Variants in PTPRD observed in about 807,000 individuals in gnomAD.
PTPRD encodes receptor-type tyrosine-protein phosphatase delta.
Under a neutral mutation model 214.5 loss-of-function variants are expected in PTPRD, and 34 were observed. The ratio of observed to expected loss-of-function variants is 0.16; its 90% CI spans 0.12 to 0.21. The LOEUF (loss-of-function observed/expected upper bound fraction) is 0.21, where lower values mean the gene tolerates loss of function less well. PTPRD is among the 10% of genes least tolerant of loss of function. The pLI is 1.00. For missense variants in PTPRD, 2,545 were observed against 2,398.7 expected (o/e 1.06, Z -1.27); for synonymous variants, 1,128 against 845.7 (o/e 1.33, Z -5.79).
intron 30 of PTPRD, among the ~76,000 whole-genome samples, chr9:8,481,741 T>C (rs139393293): frequency 2.6e-4 from 40 of 152,222 alleles, no homozygotes; most frequent in African/African-American, 9.4e-4. Flanking sequence ...AAACCATTGC[T>C]ATTTTGTTAA....
At chr9:9,099,491 G>C (rs1465863209) in intron 10 of PTPRD, among the ~76,000 whole-genome samples, 1 of 152,158 alleles carries the variant, frequency 6.6e-6, no homozygotes, top group Non-Finnish European at 1.5e-5. Flanking sequence ...ATGCCTGCCT[G>C]GGTGTGTTGC....
intron 4 of PTPRD, among the ~76,000 whole-genome samples, chr9:10,013,083 A>G (rs1387096008): frequency 1.3e-5 from 2 of 151,954 alleles, no homozygotes; most frequent in African/African-American, 4.8e-5. Flanking sequence ...TTGAACTTCA[A>G]TTACACAAAT....
chr9:8,367,354 G>A (rs1041821594), intron 39 of PTPRD, among the ~76,000 whole-genome samples: 6 of 152,166 alleles, frequency 3.9e-5, no homozygotes, highest in Admixed American at 6.5e-5. Flanking sequence ...TATATCCAAG[G>A]GGACATTTGG....
intron 5 of PTPRD, among the ~76,000 whole-genome samples, chr9:9,835,895 A>G (rs958381891): frequency 3.3e-5 from 5 of 152,108 alleles, no homozygotes; most frequent in African/African-American, 1.2e-4. Flanking sequence ...CAGTGAGAAG[A>G]AAATGCTGGT....
chr9:9,278,662 C>A (rs937963522), intron 9 of PTPRD, among the ~76,000 whole-genome samples: 4 of 151,272 alleles, frequency 2.6e-5, no homozygotes, highest in Admixed American at 6.6e-5. Context: ...CCTGCCTATA[C>A]AACATCTATG....
intron 2 of PTPRD, among the ~76,000 whole-genome samples, chr9:10,365,083 C>T (rs1273400635): frequency 1.3e-5 from 2 of 151,934 alleles, no homozygotes; most frequent in Non-Finnish European, 2.9e-5. Context: ...TTAATTTTAC[C>T]TCAGGCGAGA....
At chr9:9,554,175 G>T (rs1472593849) in intron 8 of PTPRD, among the ~76,000 whole-genome samples, 1 of 152,022 alleles carries the variant, frequency 6.6e-6, no homozygotes, top group Non-Finnish European at 1.5e-5. Context: ...GTTCATGTGG[G>T]TGTATGAAAT....
chr9:10,145,791 T>C (rs1430186061), intron 3 of PTPRD, among the ~76,000 whole-genome samples: 2 of 152,112 alleles, frequency 1.3e-5, no homozygotes, highest in African/African-American at 4.8e-5. Context: ...CAAAGTATGA[T>C]ATGATATGCT....
intron 11 of PTPRD, among the ~76,000 whole-genome samples, chr9:8,835,356 A>G (rs930996547): frequency 3.3e-5 from 5 of 152,206 alleles, no homozygotes; most frequent in Non-Finnish European, 7.3e-5. Context: ...AGAGTTGAAT[A>G]ACGCACCCAA....
At chr9:9,997,214 A>C (rs770233280) in intron 4 of PTPRD, among the ~76,000 whole-genome samples, 1 of 152,238 alleles carries the variant, frequency 6.6e-6, no homozygotes, top group Non-Finnish European at 1.5e-5. Flanking sequence ...CTGAAATTAA[A>C]AAGATATTCA....
At chr9:9,566,029 C>T (rs2084409098) in intron 8 of PTPRD, among the ~76,000 whole-genome samples, 1 of 151,876 alleles carries the variant, frequency 6.6e-6, no homozygotes, top group Admixed American at 6.6e-5. Context: ...TTGGCTGCCT[C>T]CTCATTTGTG....
chr9:8,870,685 G>GAAACAC (rs2098279752), intron 11 of PTPRD, among the ~76,000 whole-genome samples: 1 of 27,798 alleles, frequency 3.6e-5, no homozygotes, highest in Non-Finnish European at 7.1e-5. Context: ...ACACAGACAT[G>GAAACAC]AAACACACAC....
At chr9:9,196,442 T>C (rs1162128728) in intron 9 of PTPRD, among the ~76,000 whole-genome samples, 1 of 152,148 alleles carries the variant, frequency 6.6e-6, no homozygotes, top group Non-Finnish European at 1.5e-5. Flanking sequence ...ATGGAGACAC[T>C]CATCTCTTAA....
In PTPRD at chr9:10,224,637, T is replaced by C. The variant is rs901131380; in HGVS notation, c.-545+116326A>G. Among the ~76,000 whole-genome samples, 80 of 152,172 alleles carry C rather than the reference T, an allele frequency of 5.3e-4. 1 individual carries two copies. Among genetic ancestry groups the C allele is most frequent in the Admixed American group, 4.3e-3 (66 of 15,258 alleles). On this transcript the variant is annotated intron_variant, in intron 3 of 45. Coordinates refer to ENST00000381196, the MANE Select transcript of PTPRD (RefSeq NM_002839.4). ...AAGTATAATATTGATAGTTTCTTGT[T>C]AGAAAAAAATAATGTGCCATTGACC...
intron 14 of PTPRD, among the ~76,000 whole-genome samples, chr9:8,529,568 T>C (rs193212108): frequency 3.6e-4 from 55 of 152,284 alleles, no homozygotes; most frequent in Non-Finnish European, 5.9e-4. Context: ...CTCCAACTCA[T>C]GCAAAATTCA....
At chr9:10,211,633 A>G (rs2099517423) in intron 3 of PTPRD, among the ~76,000 whole-genome samples, 1 of 152,216 alleles carries the variant, frequency 6.6e-6, no homozygotes, top group African/African-American at 2.4e-5. Flanking sequence ...TAGAAATTAC[A>G]TAATGTCTTT....
intron 10 of PTPRD, among the ~76,000 whole-genome samples, chr9:9,163,067 T>A (rs1302228517): frequency 6.6e-6 from 1 of 152,086 alleles, no homozygotes; most frequent in African/African-American, 2.4e-5. Flanking sequence ...CTACTCTCAC[T>A]TAAAATATTG....
rs1555340153 is a variant in PTPRD, at chr9:9,923,121, G to GT, written c.-368+15385_-368+15386insA. ...GAAAAAAAAAGGACTGTGTGTGTGG[G>GT]GGGTGTGTGTGTGTGTGTGTGTGTG... On this transcript the variant is annotated intron_variant, in intron 5 of 45. Transcript: ENST00000381196. Among the ~76,000 whole-genome samples, 24 of 45,342 alleles carry GT rather than the reference G, an allele frequency of 5.3e-4. No individual in the cohort carries two copies. The African/African-American group carries it at 7.1e-3, about 13-fold the overall frequency. 29.7% of individuals were successfully genotyped at this position (45,342 alleles called of 152,430 possible).
In PTPRD at chr9:8,470,988, C is replaced by A; in HGVS notation, c.3504+7G>T. ...ATAAAAGACATGGCCAACAATGACA[C>A]AGTTACCTCATCTAATTCCATTTCA... is the stretch of plus-strand genomic sequence containing the variant. On this transcript the variant is annotated splice_region_variant and intron_variant, in intron 31 of 45. Coordinates refer to ENST00000381196, the MANE Select transcript of PTPRD (RefSeq NM_002839.4). The A allele has an allele frequency of 6.2e-7, 1 of 1,608,972 alleles. No individual in the cohort carries two copies. Among genetic ancestry groups the A allele is most frequent in the Non-Finnish European group, 8.5e-7 (1 of 1,175,532 alleles).
Sources: allele counts gnomAD v4.1 joint callset (sites outside exome capture counted in the v4.1 genomes callset), GRCh38; gene constraint gnomAD v4.1.1; transcripts MANE v1.5; gene names NCBI Gene and HGNC (gene_info 2026-07-23, HGNC 2026-07-21).